STAG3: variants seen among roughly 807,000 people sequenced by gnomAD.
STAG3 encodes cohesin subunit SA-3.
A neutral mutation model predicts 160.7 loss-of-function variants in STAG3; 101 were observed. The observed-to-expected ratio is 0.63, with a 90% CI of 0.54 to 0.74. STAG3 has a LOEUF of 0.74. Ranked by LOEUF, STAG3 falls within the 30% of genes least tolerant of loss-of-function variation. The pLI, the probability that STAG3 is intolerant of heterozygous loss-of-function variation, is 0.00. For synonymous variants in STAG3, 519 were observed against 585.0 expected (o/e 0.89, Z 1.63); for missense variants, 1,188 against 1,517.4 (o/e 0.78, Z 3.61).
At chr7:100,212,228 C>T (rs992725668) in intron 32 of STAG3, 3 of 197,184 alleles carry the variant, frequency 1.5e-5, no homozygotes, top group South Asian at 8.9e-5. Flanking sequence ...TGTCTCTCCC[C>T]ACAAAACATG....
Position 100,200,518 on chromosome 7 carries a change from C to T in STAG3, c.1836C>T (p.Ile612=), listed in dbSNP as rs1801033368. ...TTCTCAGCTGCTTTGACCTCCACATCTACTGCACTGGGCGCTTGGAGAAGG... is the reference window on the plus strand; with the variant it reads ...TTCTCAGCTGCTTTGACCTCCACATTTACTGCACTGGGCGCTTGGAGAAGG... ...LQLLSCFDLH[I]YCTGRLEKHL... Residue 612 remains isoleucine, a synonymous_variant, in exon 18 of 34, where the codon ATC becomes ATT. Transcript: ENST00000615138. 1 of 1,614,108 alleles carries T rather than the reference C, an allele frequency of 6.2e-7. No individual in the cohort carries two copies.
intron 32 of STAG3, 180 bp downstream of exon 32, chr7:100,212,056 AAAG>A (rs1394648596): frequency 5.4e-6 from 3 of 551,508 alleles, no homozygotes; most frequent in Non-Finnish European, 9.5e-6. Flanking sequence ...TACTTTTATT[AAAG>A]AATAAGGAAA....
Position 100,213,822 on chromosome 7 carries a change from G to A in STAG3, c.3672+16G>A, listed in dbSNP as rs1314494099. 1.2e-6 allele frequency: 2 copies of A among 1,614,070 alleles called. No homozygotes were observed. The highest frequency in any genetic ancestry group is 1.7e-6 in the Non-Finnish European group (2 of 1,180,004). On this transcript the variant is annotated intron_variant, in intron 33 of 33. Coordinates refer to ENST00000615138, the MANE Select transcript of STAG3 (RefSeq NM_001282717.2). ...GGATATTGAGGTGAGTGTCCCCAGA[G>A]CAGGAGTTATGTATCCTTCGGAAAT...
intron 25 of STAG3, among the ~76,000 whole-genome samples, chr7:100,203,071 G>A (rs1459023038): frequency 6.6e-6 from 1 of 152,222 alleles, no homozygotes; most frequent in African/African-American, 2.4e-5. Context: ...AGCTTCCATT[G>A]TAGTTGGGGA....
chr7:100,202,374 G>A (rs1418511232), intron 24 of STAG3, 34 bp downstream of exon 24: 1 of 1,611,346 alleles, frequency 6.2e-7, no homozygotes, highest in Admixed American at 1.7e-5. Context: ...CTCAGTAAGG[G>A]CTGGGGCTTG....
chr7:100,199,200 A>G (rs1263991939), intron 14 of STAG3, 62 bp from the exon 15 acceptor site: 3 of 1,158,406 alleles, frequency 2.6e-6, no homozygotes, highest in Non-Finnish European at 3.9e-6. Flanking sequence ...TTTAATCAGT[A>G]ACCACTTCGT....
At chr7:100,186,123 C>A in intron 4 of STAG3, 77 bp from the exon 5 acceptor site, 2 of 1,122,718 alleles carry the variant, frequency 1.8e-6, no homozygotes, top group South Asian at 2.5e-5. Context: ...TTAGATGGTT[C>A]AACTGGGAAG....
intron 25 of STAG3, among the ~76,000 whole-genome samples, chr7:100,203,756 C>T (rs1405092544): frequency 1.3e-5 from 2 of 152,146 alleles, no homozygotes; most frequent in African/African-American, 4.8e-5. Flanking sequence ...CCTCGTGATC[C>T]ACCCGTCTTG....
At chr7:100,211,289 C>T in intron 30 of STAG3, 104 bp downstream of exon 30, 6 of 1,478,116 alleles carry the variant, frequency 4.1e-6, no homozygotes, top group South Asian at 1.3e-5. Context: ...AGCACTCCCA[C>T]ATTGTTGGGT....
intron 29 of STAG3, among the ~76,000 whole-genome samples, chr7:100,206,754 G>A (rs745496230): frequency 6.6e-5 from 10 of 152,170 alleles, no homozygotes; most frequent in Non-Finnish European, 1.3e-4. Context: ...GTGCTGGTGA[G>A]CCCCCGTGCC....
chr7:100,180,774 A>G, intron 2 of STAG3, 102 bp downstream of exon 2: 3 of 771,068 alleles, frequency 3.9e-6, no homozygotes, highest in Non-Finnish European at 6.9e-6. Flanking sequence ...GTGTGAAAAC[A>G]CCAGAAGTGC....
downstream of STAG3, among the ~76,000 whole-genome samples, chr7:100,216,530 G>A (rs1346557832): frequency 1.3e-5 from 2 of 152,184 alleles, no homozygotes; most frequent in Non-Finnish European, 2.9e-5. Flanking sequence ...GCTGGGTGCG[G>A]TGGCTCAGGC....
In STAG3 at chr7:100,207,205, G is replaced by C. The variant is rs957725707; in HGVS notation, c.3238+1821G>C. Among the ~76,000 whole-genome samples the C allele has an allele frequency of 3.9e-5, 6 of 152,170 alleles. No homozygotes were observed. The highest frequency in any genetic ancestry group is 1.2e-4 in the African/African-American group (5 of 41,438). Reference sequence around the variant, plus strand: ...TGCATGTACACATTTTTGGGTGGATGCATCTTTTCAGTTATCTTGAGATAT... The same window carrying C: ...TGCATGTACACATTTTTGGGTGGATCCATCTTTTCAGTTATCTTGAGATAT... On this transcript the variant is annotated intron_variant, in intron 29 of 33. Coordinates refer to ENST00000615138, the MANE Select transcript of STAG3 (RefSeq NM_001282717.2). The surrounding 1 kb of genome is among the most constrained non-coding windows in gnomAD (Gnocchi z 4.0).
intron 6 of STAG3, 100 bp from the exon 7 acceptor site, chr7:100,188,712 C>T (rs1800176155): frequency 7.8e-7 from 1 of 1,276,986 alleles, no homozygotes; most frequent in Non-Finnish European, 1.1e-6. Context: ...TGAGGTATAA[C>T]AGATATTTTT....
At chr7:100,194,939 G>T (rs1359626597) in intron 8 of STAG3, among the ~76,000 whole-genome samples, 3 of 152,178 alleles carry the variant, frequency 2.0e-5, no homozygotes, top group East Asian at 3.8e-4. Flanking sequence ...AAATGGCACT[G>T]ATAGGTATGC....
intron 8 of STAG3, among the ~76,000 whole-genome samples, chr7:100,194,307 T>C (rs1185027954): frequency 4.6e-5 from 7 of 152,250 alleles, no homozygotes; most frequent in Non-Finnish European, 4.4e-5. Context: ...TCCTTTCATT[T>C]GGACACTTAA....
chr7:100,195,985 C>T (rs1800658098), intron 9 of STAG3, among the ~76,000 whole-genome samples: 1 of 151,988 alleles, frequency 6.6e-6, no homozygotes. Flanking sequence ...CAAAATTAGC[C>T]GGGTGTGGTG....
At chr7:100,210,624 A>T (rs548032661) in intron 29 of STAG3, among the ~76,000 whole-genome samples, 8 of 152,238 alleles carry the variant, frequency 5.3e-5, no homozygotes, top group Admixed American at 3.9e-4. Flanking sequence ...CTTGGATAGG[A>T]TCTCAGATGT....
downstream of STAG3, chr7:100,214,530 G>T (rs911409463): frequency 6.0e-6 from 1 of 165,402 alleles, no homozygotes; most frequent in African/African-American, 2.4e-5. Flanking sequence ...TAGTAACTGA[G>T]AGGTGGGGTG....
Sources: gnomAD v4.1 joint callset for allele counts (sites outside exome capture counted in the v4.1 genomes callset) on GRCh38, gnomAD v4.1.1 for gene constraint, Gnocchi (gnomAD v3.1) non-coding constraint, MANE v1.5 for transcripts, NCBI Gene and HGNC (gene_info 2026-07-23, HGNC 2026-07-21) for gene names.